CTNNA3: variants seen among roughly 807,000 people sequenced by gnomAD.
The protein encoded by CTNNA3 is catenin alpha-3.
A neutral mutation model predicts 95.7 loss-of-function variants in CTNNA3; 76 were observed. The ratio of observed to expected loss-of-function variants is 0.79; its 90% CI spans 0.66 to 0.96. CTNNA3 has a LOEUF of 0.96. Among genes scored for constraint, CTNNA3 ranks in the 40% least tolerant of loss-of-function variants. The pLI is 0.00. For synonymous variants in CTNNA3, 431 were observed against 374.4 expected (o/e 1.15, Z -1.74); for missense variants, 1,191 against 1,089.8 (o/e 1.09, Z -1.31).
intron 3 of CTNNA3, among the ~76,000 whole-genome samples, chr10:67,546,055 A>G (rs1017668151): frequency 9.2e-5 from 14 of 152,184 alleles, no homozygotes; most frequent in Admixed American, 3.9e-4. Context: ...AGAGCTAAAC[A>G]TCTCTTCAGA....
intron 7 of CTNNA3, among the ~76,000 whole-genome samples, chr10:67,140,204 A>G (rs1378029985): frequency 6.6e-6 from 1 of 152,210 alleles, no homozygotes; most frequent in Non-Finnish European, 1.5e-5. Flanking sequence ...AAAAGAAAAT[A>G]TCTTAAAATT....
intron 5 of CTNNA3, among the ~76,000 whole-genome samples, chr10:67,392,959 T>A (rs1844563675): frequency 6.6e-6 from 1 of 152,110 alleles, no homozygotes; most frequent in Non-Finnish European, 1.5e-5. Flanking sequence ...TAATGCTAGA[T>A]GATGAGTTAG....
Position 66,585,094 on chromosome 10 carries a change from T to C in CTNNA3, c.1374+36598A>G, listed in dbSNP as rs566934395. On this transcript the variant is annotated intron_variant, in intron 10 of 17. Coordinates refer to ENST00000433211, the MANE Select transcript of CTNNA3 (RefSeq NM_013266.4). Reference sequence around the variant, plus strand: ...TCTGTTATAGGTTACCTGATGCTTTTATTTTACTGCTCTTAGAATTTTTTC... The same window carrying C: ...TCTGTTATAGGTTACCTGATGCTTTCATTTTACTGCTCTTAGAATTTTTTC... Among the ~76,000 whole-genome samples, 38 of 152,168 alleles carry C rather than the reference T, an allele frequency of 2.5e-4. 1 individual carries two copies. The South Asian group carries it at 7.9e-3, about 32-fold the overall frequency.
intron 1 of CTNNA3, among the ~76,000 whole-genome samples, chr10:67,693,458 C>A (rs1460673538): frequency 6.6e-6 from 1 of 152,160 alleles, no homozygotes; most frequent in Non-Finnish European, 1.5e-5. Context: ...TCTCTTCAGG[C>A]CAGTTTGGGT....
intron 16 of CTNNA3, among the ~76,000 whole-genome samples, chr10:65,976,368 T>C (rs967491991): frequency 6.6e-6 from 1 of 152,106 alleles, no homozygotes; most frequent in Non-Finnish European, 1.5e-5. Flanking sequence ...CAATAACCAA[T>C]TGCAATCACT....
At chr10:66,545,415 CT>C (rs1217031443) in intron 10 of CTNNA3, among the ~76,000 whole-genome samples, 1 of 151,914 alleles carries the variant, frequency 6.6e-6, no homozygotes, top group African/African-American at 2.4e-5. Flanking sequence ...TTTGTTGTTC[CT>C]TTTTTCATTA....
intron 5 of CTNNA3, among the ~76,000 whole-genome samples, chr10:67,257,655 T>C (rs1866416664): frequency 1.3e-5 from 2 of 152,184 alleles, no homozygotes; most frequent in African/African-American, 2.4e-5. Context: ...GGTGGACTAG[T>C]GTTTCGTGCA....
intron 3 of CTNNA3, among the ~76,000 whole-genome samples, chr10:67,597,337 C>G (rs1001880856): frequency 1.3e-5 from 2 of 152,200 alleles, no homozygotes; most frequent in Non-Finnish European, 2.9e-5. Flanking sequence ...AATACATTGA[C>G]TTTTAGAGTG....
intron 5 of CTNNA3, among the ~76,000 whole-genome samples, chr10:67,281,288 C>G (rs1328564999): frequency 6.6e-6 from 1 of 152,222 alleles, no homozygotes; most frequent in African/African-American, 2.4e-5. Context: ...CTTAAACATA[C>G]TCTGGTCAAT....
chr10:66,397,851 G>T (rs1431227225), intron 11 of CTNNA3, among the ~76,000 whole-genome samples: 1 of 151,676 alleles, frequency 6.6e-6, no homozygotes, highest in Non-Finnish European at 1.5e-5. Context: ...TGTATATCTT[G>T]GTCTTTATGA....
rs189137021 is a variant in CTNNA3 at position 67,568,517 on chromosome 10, A to G, written c.293-28848T>C. On this transcript the variant is annotated intron_variant, in intron 3 of 17. Transcript: ENST00000433211. Reference sequence around the variant, plus strand: ...AGTACATATTTCCTTGCACGCACACACACACATATATATATGCATATTTAT... The same window carrying G: ...AGTACATATTTCCTTGCACGCACACGCACACATATATATATGCATATTTAT... 1.5e-4 allele frequency among the ~76,000 whole-genome samples: 23 copies of G among 151,846 alleles called. No individual in the cohort carries two copies. The East Asian group carries it at 4.3e-3, about 28-fold the overall frequency.
chr10:67,149,101 C>T (rs1860971552), intron 7 of CTNNA3, among the ~76,000 whole-genome samples: 1 of 152,112 alleles, frequency 6.6e-6, no homozygotes, highest in Non-Finnish European at 1.5e-5. Flanking sequence ...TCAAAGTAAA[C>T]GCCCAACATA....
intron 7 of CTNNA3, among the ~76,000 whole-genome samples, chr10:67,056,819 G>A (rs533556183): frequency 9.2e-5 from 14 of 152,298 alleles, no homozygotes; most frequent in African/African-American, 3.4e-4. Flanking sequence ...GACAAAGTGT[G>A]TCATTTACTT....
intron 15 of CTNNA3, among the ~76,000 whole-genome samples, chr10:66,007,654 G>T (rs2078914840): frequency 6.8e-6 from 1 of 147,732 alleles, no homozygotes; most frequent in South Asian, 2.2e-4. Context: ...TCCATCTGGA[G>T]GGTCTCATAT....
chr10:67,535,012 C>T (rs1354069444), intron 4 of CTNNA3, among the ~76,000 whole-genome samples: 1 of 152,182 alleles, frequency 6.6e-6, no homozygotes, highest in African/African-American at 2.4e-5. Context: ...AAAATAAAAG[C>T]AGGCAAGCAA....
chr10:66,040,512 A>G (rs1392681972), intron 15 of CTNNA3, among the ~76,000 whole-genome samples: 1 of 151,946 alleles, frequency 6.6e-6, no homozygotes, highest in Non-Finnish European at 1.5e-5. Flanking sequence ...TAAAGTAACT[A>G]TGGTACATAT....
intron 12 of CTNNA3, among the ~76,000 whole-genome samples, chr10:66,318,319 C>T (rs576452653): frequency 5.2e-4 from 64 of 124,056 alleles, no homozygotes; most frequent in Middle Eastern, 4.0e-3. Context: ...TGTGTGCACG[C>T]GAATTTGGAT....
At chr10:66,591,525 C>T (rs1843550743) in intron 10 of CTNNA3, among the ~76,000 whole-genome samples, 1 of 152,016 alleles carries the variant, frequency 6.6e-6, no homozygotes, top group Non-Finnish European at 1.5e-5. Flanking sequence ...TTAAAGCAAC[C>T]CATTCATCTG....
intron 6 of CTNNA3, among the ~76,000 whole-genome samples, chr10:67,184,553 T>C (rs1474688476): frequency 6.6e-6 from 1 of 152,206 alleles, no homozygotes; most frequent in Non-Finnish European, 1.5e-5. Context: ...GTCTATGGTG[T>C]TGGCTATTGT....
Sources: gnomAD v4.1 joint callset for allele counts (sites outside exome capture counted in the v4.1 genomes callset) on GRCh38, gnomAD v4.1.1 for gene constraint, MANE v1.5 for transcripts, NCBI Gene and HGNC (gene_info 2026-07-23, HGNC 2026-07-21) for gene names.